ERO1B: variants seen among roughly 807,000 people sequenced by gnomAD.
ERO1B encodes endoplasmic reticulum oxidoreductase 1 beta.
A neutral mutation model predicts 75.3 loss-of-function variants in ERO1B; 49 were observed. The ratio of observed to expected loss-of-function variants is 0.65; its 90% CI spans 0.52 to 0.83. The LOEUF is 0.83. Ranked by LOEUF, ERO1B falls within the 40% of genes least tolerant of loss-of-function variation. The pLI is 0.00. For synonymous variants in ERO1B, 191 were observed against 192.9 expected, an observed-to-expected ratio of 0.99 and a Z score of 0.08; for missense variants, 512 against 560.1, an observed-to-expected ratio of 0.91 and a Z score of 0.87.
rs1453008355 is a variant in ERO1B at position 236,215,942 on chromosome 1, A to C, written c.*2574T>G. 6.7e-6 allele frequency: 1 copy of C among 150,048 alleles called. No homozygotes were observed. The highest frequency in any genetic ancestry group is 1.5e-5 in the Non-Finnish European group (1 of 67,878). The allele number at this position is 150,048 out of a possible 1,614,324, so 9.3% of individuals were successfully genotyped here. A position where few individuals can be genotyped will look rare whatever the true frequency, so the allele number is the denominator to read the frequency against. On this transcript the variant is annotated 3_prime_UTR_variant, in exon 16 of 16. Transcript: ENST00000354619. ...TACATACAGAGATTACAAATATCGA[A>C]TAATTCACAATGTTAAAAATGTCAA...
chr1:236,221,965 A>G lies in ERO1B; in HGVS notation c.1168T>C (p.Cys390Arg). ...AATCTGCATTTGTCACATCCAACAC[A>G]GTCCATTATACGGGAGATATTCTTG... ...HFKNISRIMD[C>R]VGCDKCRLWG... Residue 390 changes from cysteine (C) to arginine (R), a missense_variant, in exon 14 of 16, where the codon TGT (cysteine) becomes CGT (arginine). Cys to Arg is a radical substitution (Grantham distance 180). Transcript: ENST00000354619. 1 of 1,613,824 alleles carries G rather than the reference A, an allele frequency of 6.2e-7. No homozygotes were observed.
intron 2 of ERO1B, among the ~76,000 whole-genome samples, chr1:236,269,560 G>A (rs989531507): frequency 1.3e-5 from 2 of 152,162 alleles, no homozygotes; most frequent in Non-Finnish European, 2.9e-5. Context: ...AGGCTGAGTA[G>A]GTGTGTCCAG....
chr1:236,220,682 G>A (rs1656779799), intron 15 of ERO1B, 150 bp downstream of exon 15: 1 of 632,536 alleles, frequency 1.6e-6, no homozygotes, highest in Non-Finnish European at 2.4e-6. Context: ...TGACTTGTCA[G>A]CATTAAGGCC....
intron 9 of ERO1B, among the ~76,000 whole-genome samples, chr1:236,231,500 G>GAAAA (rs57411768): frequency 3.1e-5 from 3 of 95,890 alleles, no homozygotes; most frequent in African/African-American, 3.4e-5. Flanking sequence ...TTAAACACTT[G>GAAAA]AAAAAAAAAA....
chr1:236,277,361 G>A (rs1184359483), intron 1 of ERO1B, among the ~76,000 whole-genome samples: 3 of 150,742 alleles, frequency 2.0e-5, no homozygotes, highest in Non-Finnish European at 4.4e-5. Context: ...CTGAGATCGA[G>A]CCACTGCTCT....
rs779485470 is a variant in ERO1B, at chr1:236,220,935, A to T, written c.1240T>A (p.Leu414Ile). Residue 414 changes from leucine to isoleucine, a missense_variant, in exon 15 of 16, where the codon TTA becomes ATA. Physicochemically the swap from Leu to Ile is conservative, Grantham distance 5. Coordinates refer to ENST00000354619, the MANE Select transcript of ERO1B (RefSeq NM_019891.4). ...TQGLGTALKI[L>I]FSEKEIQKLP... ...TTTTGGATTTCTTTTTCAGAGAATA[A>T]TATCTTCAGGGCAGTTCCTAAACCC... 1.2e-6 allele frequency: 2 copies of T among 1,602,550 alleles called. No individual in the cohort carries two copies. The highest frequency in any genetic ancestry group is 3.4e-5 in the Admixed American group (2 of 58,598).
Position 236,218,406 on chromosome 1 carries a change from A to T in ERO1B, c.*110T>A. 1.9e-6 allele frequency: 2 copies of T among 1,025,830 alleles called. No homozygotes were observed. The highest frequency in any genetic ancestry group is 2.5e-6 in the Non-Finnish European group (2 of 789,888). 63.5% of individuals were successfully genotyped at this position (1,025,830 alleles called of 1,614,324 possible). A position where few individuals can be genotyped will look rare whatever the true frequency, so the allele number is the denominator to read the frequency against. Reference sequence around the variant, plus strand: ...AAGTGAGCATTTAAATTTTCTATTTAATAGTTCAGAATTCTTGAAGTCAGA... The same window carrying T: ...AAGTGAGCATTTAAATTTTCTATTTTATAGTTCAGAATTCTTGAAGTCAGA... On this transcript the variant is annotated 3_prime_UTR_variant, in exon 16 of 16. Coordinates refer to ENST00000354619, the MANE Select transcript of ERO1B (RefSeq NM_019891.4).
In ERO1B at chr1:236,249,936, A is replaced by C; in HGVS notation, c.380T>G (p.Leu127Ter). ...TTTATTAGCTTGCTCACAATCTTCT[A>C]ATTCTTTGGTATTGTTTGCCATTTT... ...YLKMANNTKE[L>*]EDCEQANKLG... is the part of the protein sequence containing the mutation. The change falls in exon 5 of 16, where the codon TTA (leucine) becomes TGA (stop). Residue 127 changes from leucine to a stop codon, truncating the protein, a stop_gained. Coordinates refer to ENST00000354619, the MANE Select transcript of ERO1B (RefSeq NM_019891.4). LOFTEE classifies it high-confidence loss of function. The C allele has an allele frequency of 6.2e-7, 1 of 1,603,950 alleles. No individual in the cohort carries two copies. Among genetic ancestry groups the C allele is most frequent in the Non-Finnish European group, 8.5e-7 (1 of 1,176,168 alleles).
chr1:236,221,051 T>G (rs942103948), intron 14 of ERO1B, 86 bp from the exon 15 acceptor site: 21 of 1,032,910 alleles, frequency 2.0e-5, no homozygotes, highest in Non-Finnish European at 2.7e-5. Flanking sequence ...GCCACTGTTA[T>G]GCCAGTTAGG....
intron 13 of ERO1B, among the ~76,000 whole-genome samples, 195 bp downstream of exon 13, chr1:236,224,875 A>C (rs1307623538): frequency 6.6e-6 from 1 of 152,244 alleles, no homozygotes; most frequent in Non-Finnish European, 1.5e-5. Flanking sequence ...ACTAATGACC[A>C]ATGATTCACT....
chr1:236,277,771 G>A (rs1212019760), intron 1 of ERO1B, among the ~76,000 whole-genome samples: 2 of 152,174 alleles, frequency 1.3e-5, no homozygotes, highest in African/African-American at 2.4e-5. Context: ...TGAAATGGTT[G>A]TCTAATTCAA....
chr1:236,250,601 A>T (rs1356738127), intron 4 of ERO1B, among the ~76,000 whole-genome samples: 1 of 63,948 alleles, frequency 1.6e-5, no homozygotes, highest in African/African-American at 5.6e-5. Flanking sequence ...ATATATATAT[A>T]TATATATATA....
intron 2 of ERO1B, among the ~76,000 whole-genome samples, chr1:236,258,852 G>A (rs758797766): frequency 2.6e-5 from 4 of 152,158 alleles, no homozygotes; most frequent in Non-Finnish European, 4.4e-5. Context: ...TCGTGCCACT[G>A]CACTCCAGCC....
intron 4 of ERO1B, chr1:236,251,354 G>A: frequency 4.5e-6 from 1 of 223,670 alleles, no homozygotes; most frequent in Non-Finnish European, 7.5e-6. Context: ...GCTCTGGGAG[G>A]AAGGAATTAG....
intron 1 of ERO1B, among the ~76,000 whole-genome samples, chr1:236,274,328 C>T (rs547091421): frequency 2.0e-4 from 31 of 152,204 alleles, no homozygotes; most frequent in African/African-American, 7.2e-4. Context: ...TTAATTTTTG[C>T]CAATCTAGTT....
At chr1:236,234,876 A>G (rs1202428903) in intron 8 of ERO1B, among the ~76,000 whole-genome samples, 5 of 152,262 alleles carry the variant, frequency 3.3e-5, no homozygotes, top group Non-Finnish European at 7.3e-5. Flanking sequence ...CACTGATGAC[A>G]GTAATGCTGT....
chr1:236,277,853 C>G (rs754406865), intron 1 of ERO1B, among the ~76,000 whole-genome samples: 1 of 152,148 alleles, frequency 6.6e-6, no homozygotes, highest in East Asian at 1.9e-4. Flanking sequence ...AGTTCTAGAA[C>G]TTCTAATTCA....
intron 6 of ERO1B, among the ~76,000 whole-genome samples, chr1:236,237,493 A>C (rs1182817078): frequency 2.0e-5 from 3 of 152,234 alleles, no homozygotes; most frequent in Non-Finnish European, 4.4e-5. Context: ...TCACATTCTG[A>C]ATAGAAATGG....
intron 1 of ERO1B, among the ~76,000 whole-genome samples, chr1:236,275,231 G>A (rs1010007701): frequency 6.6e-6 from 1 of 152,086 alleles, no homozygotes; most frequent in Admixed American, 6.6e-5. Context: ...ACAAATTAAG[G>A]GCTGAGTCCC....
Sources: gnomAD v4.1 joint callset for allele counts (sites outside exome capture counted in the v4.1 genomes callset) on GRCh38, gnomAD v4.1.1 for gene constraint, MANE v1.5 for transcripts, NCBI Gene and HGNC (gene_info 2026-07-23, HGNC 2026-07-21) for gene names.